Variants in PRORP observed in about 807,000 individuals in gnomAD.
PRORP encodes the protein mitochondrial ribonuclease P catalytic subunit.
In PRORP, 51 loss-of-function variants were observed where a neutral mutation model predicts 59.4. That is an observed-to-expected ratio of 0.86 (90% CI 0.69 to 1.08). The LOEUF is 1.08. Among genes scored for constraint, PRORP ranks in the 50% least tolerant of loss-of-function variants. The pLI is 0.00. For synonymous variants in PRORP, 231 were observed against 245.6 expected (o/e 0.94, Z 0.55); for missense variants, 646 against 690.3 (o/e 0.94, Z 0.72).
chr14:35,263,767 C>G (rs1452003734), intron 5 of PRORP, among the ~76,000 whole-genome samples: 1 of 152,256 alleles, frequency 6.6e-6, no homozygotes, highest in East Asian at 1.9e-4. Flanking sequence ...AGCTGTGATA[C>G]CTACCATGTG....
At chr14:35,225,249 T>C (rs2049904340) in intron 5 of PRORP, among the ~76,000 whole-genome samples, 1 of 152,246 alleles carries the variant, frequency 6.6e-6, no homozygotes, top group African/African-American at 2.4e-5. Context: ...TAGGAGATTT[T>C]TCTCCTGTAA....
intron 5 of PRORP, among the ~76,000 whole-genome samples, chr14:35,246,603 C>T (rs28510695): frequency 0.1 from 15,794 of 152,104 alleles, 892 homozygotes; most frequent in African/African-American, 0.16. Context: ...CTTCCAAAAT[C>T]TTGTTGCTAT....
chr14:35,193,336 A>G (rs1595280640), intron 5 of PRORP, among the ~76,000 whole-genome samples: 2 of 152,244 alleles, frequency 1.3e-5, no homozygotes. Context: ...TTCTTATAGC[A>G]TGCTTGGGGC....
At chr14:35,170,249 A>G (rs1002337269) in intron 4 of PRORP, among the ~76,000 whole-genome samples, 1 of 151,576 alleles carries the variant, frequency 6.6e-6, no homozygotes, top group Non-Finnish European at 1.5e-5. Flanking sequence ...TAAGCATTTT[A>G]TTTTGCTATT....
intron 5 of PRORP, among the ~76,000 whole-genome samples, chr14:35,232,170 CCT>C (rs779421259): frequency 2.0e-5 from 3 of 151,584 alleles, no homozygotes; most frequent in African/African-American, 4.8e-5. Context: ...CTTCCATCCC[CCT>C]GTTTGGTATG....
intron 4 of PRORP, among the ~76,000 whole-genome samples, chr14:35,129,920 T>C (rs181660089): frequency 1.6e-3 from 251 of 152,312 alleles, no homozygotes; most frequent in African/African-American, 5.8e-3. Context: ...CTTTACTTTG[T>C]CTCCCTGCTT....
chr14:35,229,724 T>C (rs1182975679), intron 5 of PRORP, among the ~76,000 whole-genome samples: 1 of 152,166 alleles, frequency 6.6e-6, no homozygotes, highest in African/African-American at 2.4e-5. Context: ...GCTTTGAGAA[T>C]GATTAGCAGG....
chr14:35,223,807 T>C (rs1168365131), intron 5 of PRORP, among the ~76,000 whole-genome samples: 5 of 152,184 alleles, frequency 3.3e-5, no homozygotes, highest in Non-Finnish European at 7.4e-5. Flanking sequence ...GAGATTGTTA[T>C]TAGGAATGAG....
rs552344465 is a variant in PRORP, at chr14:35,273,940, C to T, written c.*374C>T. The T allele has an allele frequency of 6.1e-6, 1 of 165,268 alleles. No homozygotes were observed. The highest frequency in any genetic ancestry group is 1.6e-4 in the South Asian group (1 of 6,200). The allele number at this position is 165,268 out of a possible 1,614,324, so 10.2% of individuals were successfully genotyped here. ...AATAGCAGAATCAATCCATCTGTCC[C>T]TGAGATACTCATGTTGTTTCAAATG... On this transcript the variant is annotated 3_prime_UTR_variant, in exon 8 of 8. Transcript: ENST00000534898.
chr14:35,210,750 CTTTTTTTTTTTTTTTTT>C (rs71435870), intron 5 of PRORP, among the ~76,000 whole-genome samples: 15 of 34,086 alleles, frequency 4.4e-4, no homozygotes, highest in African/African-American at 1.4e-3. Context: ...TTTCTTTTGC[CTTTTTTTTTTTTTTTTT>C]TTTTTTTTTT....
intron 4 of PRORP, among the ~76,000 whole-genome samples, chr14:35,180,449 G>A (rs904554249): frequency 7.2e-5 from 11 of 152,094 alleles, no homozygotes; most frequent in Non-Finnish European, 1.6e-4. Flanking sequence ...AGCACTATGA[G>A]ATTATAGAGT....
In PRORP at chr14:35,275,727, C is replaced by CT. The variant is rs1249161604; in HGVS notation, c.*2161_*2162insT. The CT allele has an allele frequency of 6.6e-6, 1 of 151,196 alleles. No individual in the cohort carries two copies. The highest frequency in any genetic ancestry group is 1.5e-5 in the Non-Finnish European group (1 of 67,902). The allele number at this position is 151,196 out of a possible 1,614,324, so 9.4% of individuals were successfully genotyped here. On this transcript the variant is annotated 3_prime_UTR_variant, in exon 8 of 8. Coordinates refer to ENST00000534898, the MANE Select transcript of PRORP (RefSeq NM_014672.4). ...TGTTAATTCCAGCACTTTGGGAGGCCAAGACAGGAGGATCACTTTAGGCCC... is the reference window on the plus strand; with the variant it reads ...TGTTAATTCCAGCACTTTGGGAGGCCTAAGACAGGAGGATCACTTTAGGCCC...
At chr14:35,254,520 G>C (rs1220922956) in intron 5 of PRORP, among the ~76,000 whole-genome samples, 1 of 152,188 alleles carries the variant, frequency 6.6e-6, no homozygotes, top group Non-Finnish European at 1.5e-5. Context: ...AGCCTCCTGA[G>C]TAGCTGGGAT....
At chr14:35,128,521 A>G (rs1208939068) in intron 4 of PRORP, among the ~76,000 whole-genome samples, 2 of 151,778 alleles carry the variant, frequency 1.3e-5, no homozygotes, top group African/African-American at 4.8e-5. Flanking sequence ...GTTACTTGTT[A>G]TTGGTCTCTT....
chr14:35,250,891 T>C (rs1467431192), intron 5 of PRORP, among the ~76,000 whole-genome samples: 1 of 152,148 alleles, frequency 6.6e-6, no homozygotes, highest in Non-Finnish European at 1.5e-5. Flanking sequence ...TTTATTTCCG[T>C]AGGTTATTGG....
intron 6 of PRORP, among the ~76,000 whole-genome samples, chr14:35,268,351 A>AAC (rs1225690845): frequency 1.3e-5 from 2 of 151,372 alleles, no homozygotes; most frequent in African/African-American, 4.8e-5. Flanking sequence ...TCAAAAAAAA[A>AAC]AAAAAAAAAA....
chr14:35,193,679 G>A (rs534025460), intron 5 of PRORP, among the ~76,000 whole-genome samples: 11 of 146,402 alleles, frequency 7.5e-5, no homozygotes, highest in Non-Finnish European at 1.3e-4. Context: ...TGAGTTTCTC[G>A]ATCCCCATGC....
intron 4 of PRORP, among the ~76,000 whole-genome samples, chr14:35,178,249 T>C (rs752825784): frequency 1.3e-5 from 2 of 152,206 alleles, no homozygotes. Context: ...TCTGTAGATG[T>C]CTATTAGGTC....
chr14:35,263,078 A>G, intron 5 of PRORP: 1 of 1,331,270 alleles, frequency 7.5e-7, no homozygotes, highest in Non-Finnish European at 1.1e-6. Flanking sequence ...ATGCCGGATG[A>G]TTCCTAAGAC....
Sources: gnomAD v4.1 joint callset for allele counts (sites outside exome capture counted in the v4.1 genomes callset) on GRCh38, gnomAD v4.1.1 for gene constraint, MANE v1.5 for transcripts, NCBI Gene and HGNC (gene_info 2026-07-23, HGNC 2026-07-21) for gene names.